CRPPA: variants seen among roughly 807,000 people sequenced by gnomAD.
CRPPA encodes the protein D-ribitol-5-phosphate cytidylyltransferase.
In CRPPA, 43 loss-of-function variants were observed where a neutral mutation model predicts 52.0. That is an observed-to-expected ratio of 0.83 (90% CI 0.65 to 1.07). CRPPA has a LOEUF of 1.07. Among genes scored for constraint, CRPPA ranks in the 50% least tolerant of loss-of-function variants. The pLI is 0.00. For missense variants in CRPPA, 629 were observed against 551.7 expected, an observed-to-expected ratio of 1.14 and a Z score of -1.40; for synonymous variants, 250 against 203.5, an observed-to-expected ratio of 1.23 and a Z score of -1.94.
At position 16,113,301 on chromosome 7, in the gene CRPPA, A is replaced by G. The variant is rs567365111; in HGVS notation, c.1252-21502T>C. On this transcript the variant is annotated intron_variant, in intron 9 of 9. Coordinates refer to ENST00000407010, the MANE Select transcript of CRPPA (RefSeq NM_001101426.4). Reference sequence around the variant, plus strand: ...GAATATATATTAGACAATGAAATGGAAAACAGAGTAGGAAGTTAAAAGATT... The same window carrying G: ...GAATATATATTAGACAATGAAATGGGAAACAGAGTAGGAAGTTAAAAGATT... Among the ~76,000 whole-genome samples, 181 of 152,244 alleles carry G rather than the reference A, an allele frequency of 1.2e-3. 1 individual carries two copies. Among genetic ancestry groups the G allele is most frequent in the Non-Finnish European group, 2.2e-3 (147 of 67,988 alleles).
At chr7:16,264,885 C>T (rs955239247) in intron 6 of CRPPA, among the ~76,000 whole-genome samples, 4 of 152,114 alleles carry the variant, frequency 2.6e-5, no homozygotes, top group African/African-American at 9.7e-5. Context: ...ACCAAGATCC[C>T]TGGGTTTGAA....
intron 8 of CRPPA, among the ~76,000 whole-genome samples, chr7:16,241,973 G>GTTTTTTT (rs1249826023): frequency 1.9e-3 from 200 of 106,562 alleles, no homozygotes; most frequent in Non-Finnish European, 3.2e-3. Flanking sequence ...TTTTTTGTTG[G>GTTTTTTT]GGGGAGATAG....
Position 16,330,181 on chromosome 7 carries a change from T to C in CRPPA, c.685-21554A>G, listed in dbSNP as rs541882988. 1.2e-4 allele frequency among the ~76,000 whole-genome samples: 18 copies of C among 152,352 alleles called. No individual in the cohort carries two copies. In the South Asian group the frequency reaches 3.7e-3, roughly 32 times the overall value. On this transcript the variant is annotated intron_variant, in intron 3 of 9. Transcript: ENST00000407010. ...AATTAGAACCAATTAATTGTATTCTTAAAGTTCTAAGACACATACAGAATT... is the reference window on the plus strand; with the variant it reads ...AATTAGAACCAATTAATTGTATTCTCAAAGTTCTAAGACACATACAGAATT...
At position 16,352,732 on chromosome 7, in the gene CRPPA, C is replaced by G. The variant is rs532539675; in HGVS notation, c.684+23360G>C. Among the ~76,000 whole-genome samples, 216 of 152,222 alleles carry G rather than the reference C, an allele frequency of 1.4e-3. 1 individual carries two copies. Among genetic ancestry groups the G allele is most frequent in the Non-Finnish European group, 2.2e-3 (147 of 68,004 alleles). On this transcript the variant is annotated intron_variant, in intron 3 of 9. Coordinates refer to ENST00000407010, the MANE Select transcript of CRPPA (RefSeq NM_001101426.4). Reference sequence around the variant, plus strand: ...TAGAATTATTATATGATCCAGCAATCCCACTTCTGGGTATATATCCAAAGA... The same window carrying G: ...TAGAATTATTATATGATCCAGCAATGCCACTTCTGGGTATATATCCAAAGA...
intron 3 of CRPPA, among the ~76,000 whole-genome samples, chr7:16,342,780 A>T (rs372271719): frequency 0.67 from 42,497 of 63,578 alleles, 12,357 homozygotes; most frequent in South Asian, 0.77. Flanking sequence ...AAAAAAAAAA[A>T]AAATATATAT....
chr7:16,264,929 G>A (rs1562595414), intron 6 of CRPPA, among the ~76,000 whole-genome samples: 1 of 152,098 alleles, frequency 6.6e-6, no homozygotes, highest in African/African-American at 2.4e-5. Flanking sequence ...GTGTGACTTT[G>A]GGCAAGTTAC....
intron 3 of CRPPA, among the ~76,000 whole-genome samples, chr7:16,350,603 T>C (rs768475119): frequency 1.1e-3 from 175 of 152,232 alleles, no homozygotes; most frequent in Non-Finnish European, 2.0e-3. Context: ...AAGCCTATCA[T>C]AGATATACAA....
At chr7:16,341,939 C>A (rs188440149) in intron 3 of CRPPA, among the ~76,000 whole-genome samples, 5 of 152,282 alleles carry the variant, frequency 3.3e-5, no homozygotes, top group Admixed American at 1.3e-4. Context: ...TTCCCTCCTT[C>A]CCTCTTTGCT....
At chr7:16,152,213 G>C (rs1282048087) in intron 9 of CRPPA, among the ~76,000 whole-genome samples, 1 of 151,858 alleles carries the variant, frequency 6.6e-6, no homozygotes, top group Non-Finnish European at 1.5e-5. Flanking sequence ...AAGCAGATAA[G>C]TATTTTACAA....
At chr7:16,358,136 C>G (rs1786351222) in intron 3 of CRPPA, among the ~76,000 whole-genome samples, 1 of 151,914 alleles carries the variant, frequency 6.6e-6, no homozygotes, top group South Asian at 2.1e-4. Context: ...AGGCAGAGAA[C>G]AGCAGGCCAG....
At chr7:16,227,194 A>T (rs766741820) in intron 8 of CRPPA, among the ~76,000 whole-genome samples, 1 of 151,984 alleles carries the variant, frequency 6.6e-6, no homozygotes, top group Non-Finnish European at 1.5e-5. Context: ...GCTGCAATGA[A>T]CATAAGAGTA....
chr7:16,368,702 A>G (rs1786672133), intron 3 of CRPPA, among the ~76,000 whole-genome samples: 1 of 152,148 alleles, frequency 6.6e-6, no homozygotes, highest in African/African-American at 2.4e-5. Flanking sequence ...ATTTTTAGTG[A>G]CCCTTTAAAG....
intron 9 of CRPPA, among the ~76,000 whole-genome samples, chr7:16,171,042 G>T (rs2128385263): frequency 6.6e-6 from 1 of 152,354 alleles, no homozygotes; most frequent in South Asian, 2.1e-4. Context: ...CAGGCTGAAG[G>T]GCTCCTCAAG....
In CRPPA at chr7:16,088,573, A is replaced by G. The variant is rs1781747429; in HGVS notation, c.*3122T>C. The G allele has an allele frequency of 1.3e-5, 2 of 152,100 alleles. No individual in the cohort carries two copies. Among genetic ancestry groups the G allele is most frequent in the African/African-American group, 4.8e-5 (2 of 41,324 alleles). The allele number at this position is 152,100 out of a possible 1,614,324, so 9.4% of individuals were successfully genotyped here. The stretch of plus-strand genomic sequence containing the variant: ...GCTGGGACTACAGGCGCCCGCCACG[A>G]TGCCTGGCTATTTTTTTTGTATTTT... On this transcript the variant is annotated 3_prime_UTR_variant, in exon 10 of 10. Transcript: ENST00000407010.
chr7:16,319,441 C>G (rs955694128), intron 3 of CRPPA, among the ~76,000 whole-genome samples: 1 of 152,134 alleles, frequency 6.6e-6, no homozygotes, highest in South Asian at 2.1e-4. Flanking sequence ...CAACATGGAT[C>G]CCCTAGCTTC....
chr7:16,233,595 A>G lies in CRPPA; in HGVS notation c.1120-17398T>C, dbSNP rs185483820. On this transcript the variant is annotated intron_variant, in intron 8 of 9. Transcript: ENST00000407010. ...AAAAAATACTGTTGTTTAAAATTCA[A>G]TGCATGTCTGCACACATAAGACAGT... Among the ~76,000 whole-genome samples the G allele has an allele frequency of 3.3e-5, 5 of 152,302 alleles. No homozygotes were observed. In the East Asian group the frequency reaches 5.8e-4, roughly 18 times the overall value.
At chr7:16,239,559 C>CAAAAAGA (rs1783048526) in intron 8 of CRPPA, among the ~76,000 whole-genome samples, 1 of 47,632 alleles carries the variant, frequency 2.1e-5, no homozygotes, top group African/African-American at 7.5e-5. Flanking sequence ...AAGTCAATAG[C>CAAAAAGA]AAAAAAAAAA....
At chr7:16,221,866 AC>A (rs1220012836) in intron 8 of CRPPA, among the ~76,000 whole-genome samples, 1 of 150,986 alleles carries the variant, frequency 6.6e-6, no homozygotes, top group African/African-American at 2.4e-5. Context: ...AACTAGTTCA[AC>A]CATTGTGGAA....
intron 8 of CRPPA, among the ~76,000 whole-genome samples, chr7:16,252,625 G>C (rs1282395230): frequency 1.3e-5 from 2 of 152,276 alleles, no homozygotes; most frequent in African/African-American, 4.8e-5. Context: ...CTCATAAAAT[G>C]AGTTAGAGAG....
Sources: gnomAD v4.1 joint callset for allele counts (sites outside exome capture counted in the v4.1 genomes callset) on GRCh38, gnomAD v4.1.1 for gene constraint, MANE v1.5 for transcripts, NCBI Gene and HGNC (gene_info 2026-07-23, HGNC 2026-07-21) for gene names.